DTNB: variants seen among roughly 807,000 people sequenced by gnomAD.
DTNB encodes DTN-B.
A neutral mutation model predicts 90.7 loss-of-function variants in DTNB; 63 were observed. The ratio of observed to expected loss-of-function variants is 0.69; its 90% confidence interval spans 0.57 to 0.86. The LOEUF (loss-of-function observed/expected upper bound fraction) is 0.86, where lower values mean the gene tolerates loss of function less well. Among genes scored for constraint, DTNB ranks in the 40% least tolerant of loss-of-function variants. DTNB has a pLI of 0.00. For missense variants in DTNB, 744 were observed against 807.1 expected (o/e 0.92, Z 0.95); for synonymous variants, 277 against 286.7 (o/e 0.97, Z 0.34).
intron 8 of DTNB, among the ~76,000 whole-genome samples, chr2:25,544,402 G>A (rs1468091368): frequency 6.6e-6 from 1 of 152,150 alleles, no homozygotes; most frequent in Non-Finnish European, 1.5e-5. Flanking sequence ...TTCAGCTCAG[G>A]GTATACGCTG....
chr2:25,666,716 C>G (rs2084531062), intron 1 of DTNB, among the ~76,000 whole-genome samples: 1 of 152,054 alleles, frequency 6.6e-6, no homozygotes, highest in Non-Finnish European at 1.5e-5. Flanking sequence ...AGAATAGATA[C>G]ACAAAGTTGC....
chr2:25,552,416 C>A (rs1399587158), intron 8 of DTNB, among the ~76,000 whole-genome samples: 1 of 152,234 alleles, frequency 6.6e-6, no homozygotes, highest in African/African-American at 2.4e-5. Context: ...AATCCAAGCT[C>A]CTATATACTC....
intron 10 of DTNB, among the ~76,000 whole-genome samples, chr2:25,480,388 G>T (rs1433245407): frequency 6.6e-6 from 1 of 152,172 alleles, no homozygotes; most frequent in Non-Finnish European, 1.5e-5. Context: ...ACTTTAAGAT[G>T]AAATCTTAAT....
At position 25,670,561 on chromosome 2, in the gene DTNB, C is replaced by T. The variant is rs537905689; in HGVS notation, c.-2+2825G>A. Among the ~76,000 whole-genome samples the T allele has an allele frequency of 2.0e-4, 30 of 152,304 alleles. No individual in the cohort carries two copies. The East Asian group carries it at 5.4e-3, about 27-fold the overall frequency. On this transcript the variant is annotated intron_variant, in intron 1 of 20. Coordinates refer to ENST00000406818, the MANE Select transcript of DTNB (RefSeq NM_021907.5). ...CTGAGCCACCTGCAGAGTTGCAGCA[C>T]ACAGTCACACAGAGTGTGCACTACA...
intron 6 of DTNB, among the ~76,000 whole-genome samples, chr2:25,587,902 A>G (rs1175084154): frequency 1.3e-5 from 2 of 151,312 alleles, no homozygotes; most frequent in Non-Finnish European, 3.0e-5. Flanking sequence ...ACACACCATT[A>G]TTTTTTTTTC....
chr2:25,520,210 C>A (rs1340555759), intron 9 of DTNB, among the ~76,000 whole-genome samples: 1 of 152,092 alleles, frequency 6.6e-6, no homozygotes, highest in Non-Finnish European at 1.5e-5. Flanking sequence ...GGTGAAACCC[C>A]GTCTCTACTA....
At chr2:25,530,664 AGAAAAAAG>A (rs1225361770) in intron 9 of DTNB, among the ~76,000 whole-genome samples, 3 of 152,210 alleles carry the variant, frequency 2.0e-5, no homozygotes, top group Non-Finnish European at 2.9e-5. Context: ...AATAATTGAA[AGAAAAAAG>A]GAAAAAAGAT....
intron 10 of DTNB, among the ~76,000 whole-genome samples, chr2:25,473,214 T>C (rs547371518): frequency 1.3e-5 from 2 of 152,232 alleles, no homozygotes; most frequent in Non-Finnish European, 2.9e-5. Context: ...TTTGCTTTAC[T>C]AGCTGAAGTG....
At chr2:25,569,517 A>G (rs1056307109) in intron 8 of DTNB, among the ~76,000 whole-genome samples, 3 of 151,912 alleles carry the variant, frequency 2.0e-5, no homozygotes, top group Admixed American at 2.0e-4. Flanking sequence ...GCCTAGATCA[A>G]CCCCTTCCTC....
chr2:25,572,390 C>T (rs1169509732), intron 8 of DTNB, among the ~76,000 whole-genome samples: 2 of 151,788 alleles, frequency 1.3e-5, no homozygotes, highest in Non-Finnish European at 2.9e-5. Flanking sequence ...TGGCGTGAAC[C>T]CAGGAGGCGG....
At chr2:25,488,671 G>A (rs1346740435) in intron 9 of DTNB, among the ~76,000 whole-genome samples, 1 of 152,188 alleles carries the variant, frequency 6.6e-6, no homozygotes, top group Non-Finnish European at 1.5e-5. Context: ...ATTGTTTTGA[G>A]ATGGAGTCTC....
At chr2:25,497,987 T>C (rs1439969866) in intron 9 of DTNB, among the ~76,000 whole-genome samples, 1 of 152,122 alleles carries the variant, frequency 6.6e-6, no homozygotes, top group Non-Finnish European at 1.5e-5. Context: ...CTACCCCAAA[T>C]CATCAATTCT....
At chr2:25,616,556 A>G (rs1422387994) in intron 4 of DTNB, among the ~76,000 whole-genome samples, 1 of 149,856 alleles carries the variant, frequency 6.7e-6, no homozygotes, top group African/African-American at 2.5e-5. Context: ...TAAGATTATT[A>G]TTAGTCTCAA....
chr2:25,596,357 A>C, intron 5 of DTNB, 117 bp from the exon 6 acceptor site: 2 of 1,216,934 alleles, frequency 1.6e-6, no homozygotes, highest in South Asian at 3.4e-5. Context: ...TCATAAAATT[A>C]TTGTGACTTT....
At chr2:25,645,220 T>C (rs980186680) in intron 2 of DTNB, among the ~76,000 whole-genome samples, 3 of 150,576 alleles carry the variant, frequency 2.0e-5, no homozygotes, top group East Asian at 4.0e-4. Context: ...CCGTCACTAC[T>C]AGAAATACAA....
intron 14 of DTNB, among the ~76,000 whole-genome samples, chr2:25,432,243 A>C (rs1041141422): frequency 4.3e-5 from 6 of 139,670 alleles, no homozygotes; most frequent in African/African-American, 8.1e-5. Flanking sequence ...ACACACACAC[A>C]CCCCTTTCTA....
intron 9 of DTNB, among the ~76,000 whole-genome samples, chr2:25,496,992 T>A (rs1385096738): frequency 6.6e-6 from 1 of 152,166 alleles, no homozygotes; most frequent in East Asian, 1.9e-4. Flanking sequence ...GAAGAATAAC[T>A]ATTAAACCTT....
intron 8 of DTNB, among the ~76,000 whole-genome samples, chr2:25,532,362 G>A (rs751866152): frequency 7.6e-4 from 115 of 152,144 alleles, no homozygotes; most frequent in Non-Finnish European, 1.4e-3. Flanking sequence ...CAAGATGTTA[G>A]GATATTCCCA....
intron 1 of DTNB, among the ~76,000 whole-genome samples, chr2:25,664,147 T>C (rs2083846731): frequency 6.6e-6 from 1 of 152,210 alleles, no homozygotes; most frequent in South Asian, 2.1e-4. Flanking sequence ...TAAATAGTAT[T>C]TTTAGTAATT....
Sources: gnomAD v4.1 joint callset for allele counts (sites outside exome capture counted in the v4.1 genomes callset) on GRCh38, gnomAD v4.1.1 for gene constraint, MANE v1.5 for transcripts, NCBI Gene and HGNC (gene_info 2026-07-23, HGNC 2026-07-21) for gene names.